SEC24D: variants seen among roughly 807,000 people sequenced by gnomAD.
SEC24D encodes protein transport protein Sec24D.
A neutral mutation model predicts 116.9 loss-of-function variants in SEC24D; 69 were observed. That is an observed-to-expected ratio of 0.59 (90% CI 0.49 to 0.72). The LOEUF is 0.72. Ranked by LOEUF, SEC24D falls within the 30% of genes least tolerant of loss-of-function variation. The probability of loss-of-function intolerance (pLI) is 0.00; values close to 1 mark genes in which losing one functional copy is unlikely to be tolerated. For missense variants in SEC24D, 1,131 were observed against 1,264.1 expected, an observed-to-expected ratio of 0.89 and a Z score of 1.60; for synonymous variants, 405 against 442.8, an observed-to-expected ratio of 0.91 and a Z score of 1.07.
intron 4 of SEC24D, 102 bp downstream of exon 4, chr4:118,817,162 G>A: frequency 1.1e-6 from 1 of 915,260 alleles, no homozygotes; most frequent in Non-Finnish European, 1.7e-6. Context: ...CTTCAACACA[G>A]TATGCCCTAG....
At chr4:118,776,525 T>C (rs557970008) in intron 8 of SEC24D, among the ~76,000 whole-genome samples, 165 of 152,330 alleles carry the variant, frequency 1.1e-3, no homozygotes, top group African/African-American at 3.8e-3. Context: ...AAACTATCAA[T>C]GGTAGGTAAT....
chr4:118,807,685 C>T (rs1281599398), intron 6 of SEC24D, among the ~76,000 whole-genome samples: 2 of 152,210 alleles, frequency 1.3e-5, no homozygotes, highest in African/African-American at 2.4e-5. Context: ...CCTCCCATTC[C>T]ATCCACTCCA....
At chr4:118,793,591 G>A (rs1460786354) in intron 8 of SEC24D, among the ~76,000 whole-genome samples, 1 of 152,040 alleles carries the variant, frequency 6.6e-6, no homozygotes, top group Admixed American at 6.5e-5. Flanking sequence ...CCAAGTTTAG[G>A]TCCAGCTACA....
At chr4:118,744,625 G>A (rs1726407403) in intron 14 of SEC24D, among the ~76,000 whole-genome samples, 1 of 152,190 alleles carries the variant, frequency 6.6e-6, no homozygotes, top group African/African-American at 2.4e-5. Context: ...GCCGCCAAGG[G>A]AAGAGTTTGT....
At chr4:118,759,398 A>G (rs1399456394) in intron 10 of SEC24D, among the ~76,000 whole-genome samples, 2 of 152,148 alleles carry the variant, frequency 1.3e-5, no homozygotes, top group Non-Finnish European at 2.9e-5. Context: ...TTGTGCCTAG[A>G]TAACTGTCAT....
intron 8 of SEC24D, among the ~76,000 whole-genome samples, chr4:118,780,473 T>C (rs1728348214): frequency 6.6e-6 from 1 of 152,200 alleles, no homozygotes; most frequent in African/African-American, 2.4e-5. Context: ...AGGCAGTTTG[T>C]TGTGATTTCT....
rs76459466 is a variant in SEC24D, at chr4:118,731,451, G to T, written c.2733C>A (p.Ser911=). ...AGAATATTCCTTCTTCTGAAAGACG[G>T]GACTCAGAGCAACGAACGGCAGCAG... ...MLPAAVRCSE[S]RLSEEGIFLL... Residue 911 remains serine (S), a synonymous_variant, in exon 21 of 23, where the codon TCC becomes TCA. Transcript: ENST00000280551. 21,830 of 1,614,022 alleles carry T rather than the reference G, an allele frequency of 0.014. 1,087 individuals carry two copies. In the East Asian group the frequency reaches 0.19, roughly 14 times the overall value.
At chr4:118,818,808 A>G (rs112078755) in intron 3 of SEC24D, among the ~76,000 whole-genome samples, 49 of 152,212 alleles carry the variant, frequency 3.2e-4, no homozygotes, top group Non-Finnish European at 6.9e-4. Flanking sequence ...CATTGTACGC[A>G]CAAGTACAAG....
intron 3 of SEC24D, among the ~76,000 whole-genome samples, chr4:118,820,739 C>A (rs529447009): frequency 5.3e-5 from 8 of 151,846 alleles, no homozygotes; most frequent in African/African-American, 1.9e-4. Context: ...ATGTTGACTG[C>A]CTTTATTCAA....
At chr4:118,725,044 ACT>A (rs140171406) in intron 22 of SEC24D, among the ~76,000 whole-genome samples, 1 of 152,006 alleles carries the variant, frequency 6.6e-6, no homozygotes, top group African/African-American at 2.4e-5. Context: ...GCAGAGAGTA[ACT>A]CTGTCAACAC....
chr4:118,752,282 T>C (rs1258212176), intron 12 of SEC24D, among the ~76,000 whole-genome samples, 193 bp from the exon 13 acceptor site: 7 of 152,230 alleles, frequency 4.6e-5, no homozygotes, highest in Non-Finnish European at 7.3e-5. Flanking sequence ...GAATGGAACA[T>C]TTACAAAATC....
At chr4:118,743,356 TAC>T (rs34621125) in intron 15 of SEC24D, among the ~76,000 whole-genome samples, 81,826 of 142,722 alleles carry the variant, frequency 0.57, 26,111 homozygotes, top group South Asian at 0.73. Context: ...TATATATATA[TAC>T]ACACACACAC....
In SEC24D at chr4:118,816,992, A is replaced by G. The variant is rs182430827; in HGVS notation, c.397+272T>C. 1,899 of 381,134 alleles carry G rather than the reference A, an allele frequency of 5.0e-3. 13 individuals carry two copies. Among genetic ancestry groups the G allele is most frequent in the Non-Finnish European group, 6.6e-3 (1,390 of 209,944 alleles). 23.6% of individuals were successfully genotyped at this position (381,134 alleles called of 1,614,324 possible). On this transcript the variant is annotated intron_variant, in intron 4 of 22. Transcript: ENST00000280551. ...CACTATTCTAATGTTTATTTGTGAA[A>G]TCAGCATTTTTTGTCTTTTCTTATT...
intron 13 of SEC24D, among the ~76,000 whole-genome samples, chr4:118,751,523 G>C (rs752211498): frequency 9.2e-5 from 14 of 152,142 alleles, no homozygotes; most frequent in Non-Finnish European, 1.6e-4. Context: ...CTATGAGAAT[G>C]ATCAGAGTCA....
intron 3 of SEC24D, 22 bp from the exon 4 acceptor site, chr4:118,817,434 TCAAA>T (rs769985345): frequency 6.3e-7 from 1 of 1,592,016 alleles, no homozygotes; most frequent in African/African-American, 1.4e-5. Context: ...AAACAGGATG[TCAAA>T]CAATATCACA....
chr4:118,795,791 G>A (rs1179057021), intron 8 of SEC24D, among the ~76,000 whole-genome samples: 3 of 152,152 alleles, frequency 2.0e-5, no homozygotes, highest in Non-Finnish European at 4.4e-5. Context: ...GCCTAGGAAA[G>A]GGCATGAGAT....
intron 8 of SEC24D, among the ~76,000 whole-genome samples, chr4:118,791,422 ACT>A (rs1363282510): frequency 1.3e-5 from 2 of 152,178 alleles, no homozygotes; most frequent in Non-Finnish European, 2.9e-5. Context: ...AAGTTATCTA[ACT>A]CTGTGCCTCA....
intron 10 of SEC24D, among the ~76,000 whole-genome samples, chr4:118,759,769 T>G (rs1485278935): frequency 6.6e-6 from 1 of 152,146 alleles, no homozygotes; most frequent in Non-Finnish European, 1.5e-5. Context: ...CCCACGTCCA[T>G]CACAGAAATC....
intron 7 of SEC24D, among the ~76,000 whole-genome samples, chr4:118,801,541 CT>C: frequency 6.6e-6 from 1 of 152,128 alleles, no homozygotes; most frequent in East Asian, 1.9e-4. Context: ...TTAAACAAAA[CT>C]TTCCTTATTA....
Sources: allele counts gnomAD v4.1 joint callset (sites outside exome capture counted in the v4.1 genomes callset), GRCh38; gene constraint gnomAD v4.1.1; transcripts MANE v1.5; gene names NCBI Gene and HGNC (gene_info 2026-07-23, HGNC 2026-07-21).